The following SUPT3H variants were observed in gnomAD, a reference collection of about 807,000 sequenced individuals.
The protein encoded by SUPT3H is SPT3 homolog, SAGA and STAGA complex component, also known as transcription initiation protein SPT3 homolog.
A neutral mutation model predicts 44.3 loss-of-function variants in SUPT3H; 44 were observed. The ratio of observed to expected loss-of-function variants is 0.99; its 90% confidence interval spans 0.78 to 1.28. SUPT3H has a LOEUF of 1.28. Among genes scored for constraint, SUPT3H ranks in the 50% most tolerant of loss-of-function variants. The pLI, the probability that SUPT3H is intolerant of heterozygous loss-of-function variation, is 0.00. For synonymous variants in SUPT3H, 124 were observed against 125.6 expected, an observed-to-expected ratio of 0.99 and a Z score of 0.09; for missense variants, 380 against 387.1, an observed-to-expected ratio of 0.98 and a Z score of 0.15.
chr6:45,131,889 C>A (rs972139575), intron 2 of SUPT3H, among the ~76,000 whole-genome samples: 4 of 152,078 alleles, frequency 2.6e-5, no homozygotes, highest in African/African-American at 9.7e-5. Context: ...ATGGGAAATA[C>A]GTTTTGAGAT....
intron 10 of SUPT3H, among the ~76,000 whole-genome samples, chr6:44,850,230 CAATCTCCTTATTGAAA>C (rs1420013544): frequency 6.6e-6 from 1 of 152,194 alleles, no homozygotes; most frequent in East Asian, 1.9e-4. Context: ...GCCTAAGGGA[CAATCTCCTTATTGAAA>C]AATAAAAACT....
chr6:45,371,789 C>T (rs1796107165), intron 1 of SUPT3H: 10 of 973,582 alleles, frequency 1.0e-5, no homozygotes, highest in Non-Finnish European at 1.2e-5. Context: ...AACAGACAAA[C>T]ATATATGCAA....
chr6:45,297,439 G>C (rs977045099), intron 2 of SUPT3H, among the ~76,000 whole-genome samples: 4 of 152,134 alleles, frequency 2.6e-5, no homozygotes, highest in African/African-American at 9.7e-5. Flanking sequence ...AAAATAGTTG[G>C]TTTGTGTTTA....
At chr6:45,366,329 G>C (rs1795130857) in intron 1 of SUPT3H, among the ~76,000 whole-genome samples, 1 of 152,108 alleles carries the variant, frequency 6.6e-6, no homozygotes, top group Admixed American at 6.6e-5. Context: ...AAGACTTTGG[G>C]CAAGTTACCT....
Position 44,827,405 on chromosome 6 carries a change from A to G in SUPT3H, c.*2411T>C, listed in dbSNP as rs112558233. Among the ~76,000 whole-genome samples the G allele has an allele frequency of 0.015, 2,271 of 152,248 alleles. 47 individuals are homozygous for G. Among genetic ancestry groups the G allele is most frequent in the South Asian group, 0.11 (529 of 4,826 alleles). On this transcript the variant is annotated 3_prime_UTR_variant, in exon 11 of 11. Coordinates refer to ENST00000371459, the MANE Select transcript of SUPT3H (RefSeq NM_003599.4). Reference sequence around the variant, plus strand: ...AACCCAGTATGGTAGAAAATACTGTATAATACCGACTGAAAATTAGGGACC... The same window carrying G: ...AACCCAGTATGGTAGAAAATACTGTGTAATACCGACTGAAAATTAGGGACC...
chr6:45,078,128 C>T (rs2153556836), intron 3 of SUPT3H, among the ~76,000 whole-genome samples: 1 of 152,296 alleles, frequency 6.6e-6, no homozygotes. Flanking sequence ...CCGCCTTGGC[C>T]TCCCAAAGTG....
intron 7 of SUPT3H, among the ~76,000 whole-genome samples, chr6:44,961,273 G>A (rs978427787): frequency 5.3e-5 from 8 of 152,248 alleles, no homozygotes; most frequent in Admixed American, 4.6e-4. Context: ...TACATGCCAC[G>A]GTAGGAGGTT....
chr6:44,931,267 T>C (rs1267783223), intron 10 of SUPT3H, among the ~76,000 whole-genome samples: 1 of 152,234 alleles, frequency 6.6e-6, no homozygotes, highest in Non-Finnish European at 1.5e-5. Flanking sequence ...TCTAGATTAT[T>C]ATCAAACACT....
At chr6:45,291,162 G>T (rs897844884) in intron 2 of SUPT3H, among the ~76,000 whole-genome samples, 1 of 152,152 alleles carries the variant, frequency 6.6e-6, no homozygotes, top group African/African-American at 2.4e-5. Context: ...CCAGAGCCTG[G>T]TAGACTTGCT....
At chr6:45,080,929 G>A (rs1795713948) in intron 3 of SUPT3H, among the ~76,000 whole-genome samples, 1 of 151,920 alleles carries the variant, frequency 6.6e-6, no homozygotes, top group Non-Finnish European at 1.5e-5. Context: ...GAGTATAAAT[G>A]GATTGCAGTA....
chr6:45,138,607 G>C (rs951356328), intron 2 of SUPT3H, among the ~76,000 whole-genome samples: 14 of 151,632 alleles, frequency 9.2e-5, no homozygotes, highest in African/African-American at 2.2e-4. Context: ...AAAATACTCT[G>C]TGTGTGTGTG....
Position 44,826,896 on chromosome 6 carries a change from T to A in SUPT3H, c.*2920A>T, listed in dbSNP as rs1049408717. Among the ~76,000 whole-genome samples, 3 of 152,228 alleles carry A rather than the reference T, an allele frequency of 2.0e-5. No homozygotes were observed. The highest frequency in any genetic ancestry group is 7.2e-5 in the African/African-American group (3 of 41,468). ...ATTTAAAAAATATTTGTGCTTCTGA[T>A]GGTTTTCAAATAAAAAGTCTTGGTT... is the stretch of plus-strand genomic sequence containing the variant. On this transcript the variant is annotated 3_prime_UTR_variant, in exon 11 of 11. Transcript: ENST00000371459.
intron 2 of SUPT3H, among the ~76,000 whole-genome samples, chr6:45,306,439 C>T (rs899468305): frequency 6.6e-6 from 1 of 152,138 alleles, no homozygotes; most frequent in Non-Finnish European, 1.5e-5. Context: ...GCTGGCAGAG[C>T]TACACAGATT....
intron 11 of SUPT3H, among the ~76,000 whole-genome samples, chr6:44,810,970 A>C (rs569946352): frequency 2.0e-5 from 3 of 152,208 alleles, no homozygotes; most frequent in Non-Finnish European, 4.4e-5. Flanking sequence ...GACAGCACAA[A>C]GTTCCCATAT....
At chr6:44,999,272 C>G (rs137978925) in intron 6 of SUPT3H, among the ~76,000 whole-genome samples, 6 of 151,814 alleles carry the variant, frequency 4.0e-5, no homozygotes, top group Non-Finnish European at 8.8e-5. Context: ...AATAGTGTTT[C>G]GGTTTTTCGT....
chr6:45,155,138 T>C (rs1417366154), intron 2 of SUPT3H, among the ~76,000 whole-genome samples: 1 of 152,192 alleles, frequency 6.6e-6, no homozygotes, highest in African/African-American at 2.4e-5. Flanking sequence ...ATTTCAAATA[T>C]ATATGTTGAA....
intron 6 of SUPT3H, among the ~76,000 whole-genome samples, chr6:44,970,947 T>C (rs1428521936): frequency 6.6e-6 from 1 of 152,148 alleles, no homozygotes; most frequent in Non-Finnish European, 1.5e-5. Context: ...TTTACTTACA[T>C]AGAATAAAAG....
intron 3 of SUPT3H, among the ~76,000 whole-genome samples, chr6:45,068,624 C>T (rs1343405810): frequency 1.3e-5 from 2 of 152,128 alleles, no homozygotes; most frequent in African/African-American, 4.8e-5. Flanking sequence ...AAGATACTGA[C>T]TAGTTTAGAA....
At chr6:44,890,265 A>G (rs983437911) in intron 10 of SUPT3H, among the ~76,000 whole-genome samples, 7 of 150,166 alleles carry the variant, frequency 4.7e-5, no homozygotes, top group Middle Eastern at 3.4e-3. Flanking sequence ...CTGGGTATAT[A>G]CCCAAAGGAC....
Sources: allele counts gnomAD v4.1 joint callset (sites outside exome capture counted in the v4.1 genomes callset), GRCh38; gene constraint gnomAD v4.1.1; transcripts MANE v1.5; gene names NCBI Gene and HGNC (gene_info 2026-07-23, HGNC 2026-07-21).